Variants in GTPBP3 observed in about 807,000 individuals in gnomAD.
GTPBP3 encodes the protein GTP binding protein 3, mitochondrial, also known as 5-taurinomethyluridine-[tRNA] synthase subunit GTPB3, mitochondrial.
GTPBP3 carries 35 observed loss-of-function variants against 42.0 expected under a neutral mutation model. The ratio of observed to expected loss-of-function variants is 0.83; its 90% confidence interval spans 0.64 to 1.10. The LOEUF (loss-of-function observed/expected upper bound fraction) is 1.10, where lower values mean the gene tolerates loss of function less well. Among genes scored for constraint, GTPBP3 ranks in the 50% least tolerant of loss-of-function variants. The pLI is 0.00. For synonymous variants in GTPBP3, 332 were observed against 314.9 expected, an observed-to-expected ratio of 1.05 and a Z score of -0.58; for missense variants, 691 against 685.2, an observed-to-expected ratio of 1.01 and a Z score of -0.09.
chr19:17,335,292 G>A (rs376488372), upstream of GTPBP3, among the ~76,000 whole-genome samples: 1 of 152,158 alleles, frequency 6.6e-6, no homozygotes, highest in African/African-American at 2.4e-5. Flanking sequence ...TGCACTCTTC[G>A]TCCGGTTAAC....
chr19:17,342,068 C>T lies in GTPBP3; in HGVS notation c.*365C>T, dbSNP rs3903081. 3.5e-5 allele frequency: 6 copies of T among 170,798 alleles called. No homozygotes were observed. Among genetic ancestry groups the T allele is most frequent in the East Asian group, 1.5e-4 (1 of 6,832 alleles). The allele number at this position is 170,798 out of a possible 1,614,324, so 10.6% of individuals were successfully genotyped here. ...TTATTTTCTTCCCTTCCCTTCCCTTCCCTTTCCTTTTCCCTTTCCCTTTCC... is the reference window on the plus strand; with the variant it reads ...TTATTTTCTTCCCTTCCCTTCCCTTTCCTTTCCTTTTCCCTTTCCCTTTCC... On this transcript the variant is annotated 3_prime_UTR_variant, in exon 9 of 9. Coordinates refer to ENST00000324894, the MANE Select transcript of GTPBP3 (RefSeq NM_032620.4).
Position 17,341,323 on chromosome 19 carries a change from GT to G in GTPBP3, c.1253+2del, listed in dbSNP as rs1336211882. Reference sequence around the variant, plus strand: ...CGCTGAGGAAGGAGCTAGCTGCAGTGTGAGCCCCCTCCCACTCCCAGCCTCC... The same window carrying G: ...CGCTGAGGAAGGAGCTAGCTGCAGTGGAGCCCCCTCCCACTCCCAGCCTCC... On this transcript the variant is annotated splice_donor_variant, in intron 8 of 8. Coordinates refer to ENST00000324894, the MANE Select transcript of GTPBP3 (RefSeq NM_032620.4). LOFTEE classifies it high-confidence loss of function. 2 of 1,590,568 alleles carry G rather than the reference GT, an allele frequency of 1.3e-6. No individual in the cohort carries two copies. The highest frequency in any genetic ancestry group is 1.7e-6 in the Non-Finnish European group (2 of 1,170,172).
chr19:17,336,019 G>C (rs2074364276), upstream of GTPBP3, among the ~76,000 whole-genome samples: 1 of 152,090 alleles, frequency 6.6e-6, no homozygotes, highest in Admixed American at 6.5e-5. Context: ...TAGATCACCT[G>C]AGGCAAGGAG....
Position 17,341,563 on chromosome 19 carries a change from C to T in GTPBP3, c.1339C>T (p.His447Tyr), listed in dbSNP as rs927144730. The change falls in exon 9 of 9, where the codon CAC becomes TAC. Residue 447 changes from histidine (H) to tyrosine (Y), a missense_variant. Transcript: ENST00000324894. The part of the protein sequence containing the change: ...HLQGCLDALG[H>Y]YKQSKDLALA... ...CCAGGGTTGCCTGGATGCCCTCGGC[C>T]ACTACAAGCAGTCAAAAGACCTGGC... 4 of 1,613,908 alleles carry T rather than the reference C, an allele frequency of 2.5e-6. No individual in the cohort carries two copies. The highest frequency in any genetic ancestry group is 2.5e-6 in the Non-Finnish European group (3 of 1,180,004).
At chr19:17,340,370 C>T (rs890988524) in intron 7 of GTPBP3, among the ~76,000 whole-genome samples, 3 of 152,064 alleles carry the variant, frequency 2.0e-5, no homozygotes, top group African/African-American at 7.3e-5. Flanking sequence ...CTGCCCCCGG[C>T]CCTCCGGACA....
upstream of GTPBP3, among the ~76,000 whole-genome samples, chr19:17,335,772 G>A (rs1010354769): frequency 1.5e-5 from 2 of 135,780 alleles, no homozygotes; most frequent in Middle Eastern, 3.7e-3. Flanking sequence ...GAGGGGCCAG[G>A]TCTGGTTCTC....
At chr19:17,336,118 C>T (rs1342445202), upstream of GTPBP3, among the ~76,000 whole-genome samples, 1 of 151,534 alleles carries the variant, frequency 6.6e-6, no homozygotes, top group South Asian at 2.1e-4. Flanking sequence ...CGCCTGTAGT[C>T]CCAGCTACTT....
rs1299789311 is a variant in GTPBP3, at chr19:17,341,144, G to A, written c.1075G>A (p.Ala359Thr). The change falls in exon 8 of 9, where the codon GCC becomes ACC. Residue 359 changes from alanine (A) to threonine (T), a missense_variant. Coordinates refer to ENST00000324894, the MANE Select transcript of GTPBP3 (RefSeq NM_032620.4). ...FLATVVASVGAQSPSDSSQRL... is the reference protein window; with the variant it reads ...FLATVVASVGTQSPSDSSQRL... The stretch of plus-strand genomic sequence containing the variant: ...GGCCACCGTCGTAGCCTCTGTGGGA[G>A]CCCAGAGCCCCAGTGACAGCAGCCA... 1 of 1,613,534 alleles carries A rather than the reference G, an allele frequency of 6.2e-7. No homozygotes were observed. Among genetic ancestry groups the A allele is most frequent in the Admixed American group, 1.7e-5 (1 of 60,010 alleles).
rs751457870 is a variant in GTPBP3 at position 17,339,515 on chromosome 19, T to A, written c.890T>A (p.Phe297Tyr). ...VLETPVDLAGFPVLLSDTAGL... is the reference protein window; with the variant it reads ...VLETPVDLAGYPVLLSDTAGL... ...GAGACCCCAGTCGACCTGGCCGGAT[T>A]TCCTGTGCTGCTGAGCGACACGGCT... Residue 297 changes from phenylalanine to tyrosine, a missense_variant, in exon 7 of 9, where the codon TTT (phenylalanine) becomes TAT (tyrosine). Physicochemically the swap from Phe to Tyr is conservative, Grantham distance 22. Transcript: ENST00000324894. 3.1e-6 allele frequency: 5 copies of A among 1,613,860 alleles called. No homozygotes were observed. In the Admixed American group the frequency reaches 8.3e-5, roughly 27 times the overall value.
At chr19:17,335,117 A>T, upstream of GTPBP3, 2 of 1,535,560 alleles carry the variant, frequency 1.3e-6, no homozygotes, top group Non-Finnish European at 1.7e-6. Context: ...GGAATGTGAG[A>T]TGGGCGTAAG....
chr19:17,338,920 GCA>G lies in GTPBP3; in HGVS notation c.592-28_592-27del, dbSNP rs557723263. 6.0e-4 allele frequency: 931 copies of G among 1,564,208 alleles called. 5 individuals are homozygous for G. In the African/African-American group the frequency reaches 8.7e-3, roughly 15 times the overall value. ...GGTGTGGGAAGGTGGGTTTCTGGGT[GCA>G]CACACCACCTCTGCTCTCCCTGCCC... On this transcript the variant is annotated intron_variant, in intron 4 of 8. Transcript: ENST00000324894.
chr19:17,337,866 G>T, intron 1 of GTPBP3, 142 bp from the exon 2 acceptor site: 1 of 1,264,086 alleles, frequency 7.9e-7, no homozygotes, highest in Non-Finnish European at 1.1e-6. Flanking sequence ...TCACCCTTCG[G>T]CCTTCAGAAC....
intron 4 of GTPBP3, 51 bp downstream of exon 4, chr19:17,338,792 C>A (rs1404128467): frequency 1.9e-6 from 3 of 1,560,514 alleles, no homozygotes; most frequent in Non-Finnish European, 1.7e-6. Flanking sequence ...ATCTGTGCAA[C>A]CCCTGCATGA....
intron 1 of GTPBP3, 145 bp from the exon 2 acceptor site, chr19:17,337,863 T>G (rs1398074894): frequency 9.6e-6 from 12 of 1,247,526 alleles, no homozygotes; most frequent in African/African-American, 1.5e-5. Flanking sequence ...CGGTCACCCT[T>G]CGGCCTTCAG....
Position 17,338,392 on chromosome 19 carries a change from G to A in GTPBP3, c.329G>A (p.Cys110Tyr). ...PGPQSFTGED[C>Y]VEFHVHGGPA... is the part of the protein sequence containing the mutation. Reference sequence around the variant, plus strand: ...CCCCAGAGTTTCACCGGTGAGGACTGCGTGGAGTTCCACGTGCATGGAGGC... The same window carrying A: ...CCCCAGAGTTTCACCGGTGAGGACTACGTGGAGTTCCACGTGCATGGAGGC... The change falls in exon 3 of 9, where the codon TGC (cysteine) becomes TAC (tyrosine). Residue 110 changes from cysteine to tyrosine, a missense_variant. By Grantham distance (194) the Cys-to-Tyr change is radical. Transcript: ENST00000324894. 1 of 1,614,170 alleles carries A rather than the reference G, an allele frequency of 6.2e-7. No homozygotes were observed.
intron 2 of GTPBP3, 43 bp from the exon 3 acceptor site, chr19:17,338,322 G>A (rs201970047): frequency 8.1e-6 from 13 of 1,611,306 alleles, no homozygotes; most frequent in East Asian, 2.2e-5. Flanking sequence ...CCAAGGGTTT[G>A]CACTGGCTGT....
chr19:17,339,309 C>T (rs2074404072), intron 6 of GTPBP3, 43 bp downstream of exon 6: 2 of 1,483,950 alleles, frequency 1.3e-6, no homozygotes, highest in Non-Finnish European at 1.9e-6. Context: ...GTGCCAGGGG[C>T]GGGGCCAAGA....
chr19:17,341,429 G>C (rs2074431015), intron 8 of GTPBP3, 49 bp from the exon 9 acceptor site: 3 of 1,576,142 alleles, frequency 1.9e-6, no homozygotes, highest in Non-Finnish European at 2.6e-6. Flanking sequence ...TCCCCTTCAA[G>C]GGATGGTTGT....
chr19:17,340,992 G>A, intron 7 of GTPBP3, 52 bp from the exon 8 acceptor site: 1 of 1,580,348 alleles, frequency 6.3e-7, no homozygotes, highest in Non-Finnish European at 8.6e-7. Flanking sequence ...TCCACCCAGT[G>A]CCTTCAATTG....
Sources: gnomAD v4.1 joint callset for allele counts (sites outside exome capture counted in the v4.1 genomes callset) on GRCh38, gnomAD v4.1.1 for gene constraint, MANE v1.5 for transcripts, NCBI Gene and HGNC (gene_info 2026-07-23, HGNC 2026-07-21) for gene names.